Variants in PEPD observed in about 807,000 individuals in gnomAD.
PEPD encodes the protein peptidase D, also known as xaa-Pro dipeptidase.
Under a neutral mutation model 60.7 loss-of-function variants are expected in PEPD, and 53 were observed. The observed-to-expected ratio is 0.87, with a 90% CI of 0.70 to 1.10. PEPD has a LOEUF of 1.10. Ranked by LOEUF, PEPD falls within the 50% of genes least tolerant of loss-of-function variation. The probability of loss-of-function intolerance (pLI) is 0.00; values close to 1 mark genes in which losing one functional copy is unlikely to be tolerated. For synonymous variants in PEPD, 267 were observed against 284.1 expected (o/e 0.94, Z 0.60); for missense variants, 711 against 711.9 (o/e 1.00, Z 0.01).
chr19:33,416,344 C>G (rs894971222), intron 9 of PEPD, among the ~76,000 whole-genome samples: 1 of 152,198 alleles, frequency 6.6e-6, no homozygotes, highest in African/African-American at 2.4e-5. Flanking sequence ...ATCCCTGGAG[C>G]AGGCTAGCTA....
At chr19:33,416,308 C>T (rs113239504) in intron 9 of PEPD, among the ~76,000 whole-genome samples, 1 of 152,140 alleles carries the variant, frequency 6.6e-6, no homozygotes, top group African/African-American at 2.4e-5. Context: ...CCTCCAAGTG[C>T]GAGGCAGGAG....
chr19:33,472,148 C>A (rs1473128402), intron 7 of PEPD, among the ~76,000 whole-genome samples: 2 of 128,706 alleles, frequency 1.6e-5, no homozygotes, highest in Admixed American at 8.1e-5. Flanking sequence ...GCAACAAGAA[C>A]AAAACTCCAT....
intron 12 of PEPD, among the ~76,000 whole-genome samples, chr19:33,401,165 G>T (rs1478706461): frequency 6.6e-6 from 1 of 152,228 alleles, no homozygotes; most frequent in Non-Finnish European, 1.5e-5. Context: ...GCCTCAACAT[G>T]GCCATCATGG....
chr19:33,427,230 T>C (rs539658555), intron 9 of PEPD, among the ~76,000 whole-genome samples: 3 of 151,582 alleles, frequency 2.0e-5, no homozygotes, highest in African/African-American at 7.3e-5. Context: ...ACTCCAAGCA[T>C]GGAGCTGGGG....
At chr19:33,452,537 A>C (rs1275994989) in intron 9 of PEPD, among the ~76,000 whole-genome samples, 1 of 152,162 alleles carries the variant, frequency 6.6e-6, no homozygotes, top group Admixed American at 6.5e-5. Context: ...AAAGAAGATA[A>C]AACTCTAGCA....
chr19:33,497,279 A>C (rs1970626530), intron 4 of PEPD, among the ~76,000 whole-genome samples: 1 of 152,208 alleles, frequency 6.6e-6, no homozygotes, highest in African/African-American at 2.4e-5. Context: ...TGCCTGTAGC[A>C]GACTTGGTGA....
intron 5 of PEPD, among the ~76,000 whole-genome samples, chr19:33,491,931 CA>C (rs1970507012): frequency 6.6e-6 from 1 of 150,834 alleles, no homozygotes. Context: ...AGAATGTTAG[CA>C]CAGGTCTTTG....
At position 33,469,519 on chromosome 19, in the gene PEPD, C is replaced by T. The variant is rs2145283492; in HGVS notation, c.549-5457G>A. Among the ~76,000 whole-genome samples the T allele has an allele frequency of 1.3e-5, 2 of 152,272 alleles. 1 individual carries two copies. The highest frequency in any genetic ancestry group is 4.1e-4 in the South Asian group (2 of 4,822). ...AGCGCGCAGCAGCCAGCAGATGGGT[C>T]CACTCTCACCTCTCCTCCTCCAAAC... On this transcript the variant is annotated intron_variant, in intron 7 of 14. Transcript: ENST00000244137.
At chr19:33,448,389 C>T (rs1387249480) in intron 9 of PEPD, among the ~76,000 whole-genome samples, 3 of 152,178 alleles carry the variant, frequency 2.0e-5, no homozygotes, top group African/African-American at 2.4e-5. Flanking sequence ...AGCTAAACAC[C>T]CTCCCATCTA....
intron 9 of PEPD, among the ~76,000 whole-genome samples, chr19:33,423,898 T>C (rs1968325767): frequency 6.6e-6 from 1 of 152,248 alleles, no homozygotes; most frequent in African/African-American, 2.4e-5. Flanking sequence ...AACTCTATCA[T>C]CTTTTGTGGG....
chr19:33,389,973 G>A lies in PEPD; in HGVS notation c.1152+1322C>T, dbSNP rs115029033. Among the ~76,000 whole-genome samples the A allele has an allele frequency of 5.3e-3, 814 of 152,334 alleles. 6 individuals carry two copies. The highest frequency in any genetic ancestry group is 0.015 in the African/African-American group (635 of 41,578). On this transcript the variant is annotated intron_variant, in intron 13 of 14. Transcript: ENST00000244137. ...CACGAGCCCCTGTGGCCCAGGAAGC[G>A]CAGCCTTCAGGGGTGGGGAGGGGTC...
chr19:33,519,384 G>A (rs897715345), intron 1 of PEPD, among the ~76,000 whole-genome samples: 3 of 152,184 alleles, frequency 2.0e-5, no homozygotes, highest in East Asian at 1.9e-4. Flanking sequence ...GAACTCTCAT[G>A]GACCCCCTCT....
At chr19:33,511,553 G>A in intron 2 of PEPD, 1 of 329,662 alleles carries the variant, frequency 3.0e-6, no homozygotes, top group Non-Finnish European at 6.0e-6. Flanking sequence ...CACAGAAATG[G>A]ATTCCTCCAT....
chr19:33,469,870 T>C (rs2145284074), intron 7 of PEPD, among the ~76,000 whole-genome samples: 1 of 151,418 alleles, frequency 6.6e-6, no homozygotes, highest in South Asian at 2.1e-4. Context: ...TTTGCTTCTC[T>C]CTTCACCCCC....
At chr19:33,491,497 A>C (rs1970500507) in intron 5 of PEPD, among the ~76,000 whole-genome samples, 1 of 152,170 alleles carries the variant, frequency 6.6e-6, no homozygotes, top group African/African-American at 2.4e-5. Flanking sequence ...CTTGAACATA[A>C]ATTTAATTTA....
At chr19:33,470,397 C>A (rs1250248585) in intron 7 of PEPD, among the ~76,000 whole-genome samples, 2 of 152,044 alleles carry the variant, frequency 1.3e-5, no homozygotes. Flanking sequence ...ACCACTCACC[C>A]CATGTGCTCT....
chr19:33,388,325 C>T (rs1968129841), intron 13 of PEPD: 1 of 664,682 alleles, frequency 1.5e-6, no homozygotes, highest in African/African-American at 1.8e-5. Flanking sequence ...GCTTGAGAAG[C>T]CCTGTGGCCA....
intron 9 of PEPD, among the ~76,000 whole-genome samples, chr19:33,435,057 A>AT (rs1164803770): frequency 1.3e-5 from 2 of 152,282 alleles, no homozygotes; most frequent in East Asian, 3.9e-4. Context: ...AAGACGAGGG[A>AT]TGGAAGAGGC....
chr19:33,392,497 G>A (rs529763086), intron 12 of PEPD, among the ~76,000 whole-genome samples: 9 of 152,336 alleles, frequency 5.9e-5, no homozygotes, highest in South Asian at 2.1e-4. Flanking sequence ...GTTTGGGCAG[G>A]CCACGTGCTG....
Sources: gnomAD v4.1 joint callset for allele counts (sites outside exome capture counted in the v4.1 genomes callset) on GRCh38, gnomAD v4.1.1 for gene constraint, MANE v1.5 for transcripts, NCBI Gene and HGNC (gene_info 2026-07-23, HGNC 2026-07-21) for gene names.